Variants in CELF5 observed in about 807,000 individuals in gnomAD.
CELF5 encodes the protein CUGBP Elav-like family member 5.
A neutral mutation model predicts 54.9 loss-of-function variants in CELF5; 6 were observed. That is an observed-to-expected ratio of 0.11 (90% CI 0.06 to 0.22). CELF5 has a LOEUF of 0.22. Among genes scored for constraint, CELF5 ranks in the 10% least tolerant of loss-of-function variants. The pLI is 1.00. For missense variants in CELF5, 401 were observed against 678.6 expected, an observed-to-expected ratio of 0.59 and a Z score of 4.54; for synonymous variants, 271 against 290.9, an observed-to-expected ratio of 0.93 and a Z score of 0.70.
rs564678483 is a variant in CELF5 at position 3,280,531 on chromosome 19, C to T, written c.604-668C>T. 3.7e-4 allele frequency among the ~76,000 whole-genome samples: 57 copies of T among 152,144 alleles called. No homozygotes were observed. In the South Asian group the frequency reaches 0.012, roughly 31 times the overall value. ...CAGAGGTTGCAGTGAGCCGAGATCG[C>T]GCCATTGCACTCCAGCCTGGGCAAC... On this transcript the variant is annotated intron_variant, in intron 5 of 12. Coordinates refer to ENST00000292672, the MANE Select transcript of CELF5 (RefSeq NM_021938.4).
intron 1 of CELF5, among the ~76,000 whole-genome samples, chr19:3,235,710 ATGGATGTG>A (rs1568330123): frequency 2.9e-5 from 4 of 137,370 alleles, no homozygotes; most frequent in African/African-American, 8.3e-5. Context: ...GGATGGATGG[ATGGATGTG>A]TGGATGGGTG....
chr19:3,250,216 C>T (rs912013047), intron 1 of CELF5, among the ~76,000 whole-genome samples: 4 of 152,174 alleles, frequency 2.6e-5, no homozygotes, highest in African/African-American at 4.8e-5. Flanking sequence ...AGGCCGGGTG[C>T]GGTGGCTCAC....
At position 3,282,508 on chromosome 19, in the gene CELF5, G is replaced by C. The variant is rs764641203; in HGVS notation, c.1039+10G>C. 1.2e-6 allele frequency: 2 copies of C among 1,607,764 alleles called. No individual in the cohort carries two copies. The highest frequency in any genetic ancestry group is 3.4e-5 in the Admixed American group (2 of 59,416). On this transcript the variant is annotated intron_variant, in intron 8 of 12. Transcript: ENST00000292672. This position sits in a 1 kb window ranked among gnomAD's most constrained non-coding sequence, Gnocchi z 5.2. ...CTTGTGCCCTACCCAGGTAAATTGG[G>C]GTCGTCCTCTGGGGCCTAGGAGAGT...
intron 1 of CELF5, among the ~76,000 whole-genome samples, chr19:3,249,514 A>G (rs1306574942): frequency 1.4e-5 from 2 of 144,074 alleles, no homozygotes; most frequent in Admixed American, 6.9e-5. Context: ...CCACCCTCCG[A>G]TCCCTAATGT....
At chr19:3,261,092 A>G (rs1404844345) in intron 2 of CELF5, among the ~76,000 whole-genome samples, 1 of 152,038 alleles carries the variant, frequency 6.6e-6, no homozygotes, top group Non-Finnish European at 1.5e-5. Context: ...CAGTTTTACA[A>G]AATGCACCTA....
intron 2 of CELF5, among the ~76,000 whole-genome samples, chr19:3,269,331 G>A (rs534719546): frequency 1.8e-4 from 27 of 152,032 alleles, no homozygotes; most frequent in African/African-American, 5.8e-4. Flanking sequence ...GTGCACTACC[G>A]CACCTAGCTA....
chr19:3,266,637 C>T (rs1333018269), intron 2 of CELF5, among the ~76,000 whole-genome samples: 1 of 152,230 alleles, frequency 6.6e-6, no homozygotes, highest in Non-Finnish European at 1.5e-5. Context: ...GGACACACGT[C>T]ACACTTCTCT....
chr19:3,290,032 C>T (rs907627224), intron 10 of CELF5, among the ~76,000 whole-genome samples, 199 bp from the exon 11 acceptor site: 1 of 152,098 alleles, frequency 6.6e-6, no homozygotes, highest in East Asian at 1.9e-4. Flanking sequence ...CGTGTGAGAT[C>T]GTACAGTGCA....
intron 2 of CELF5, among the ~76,000 whole-genome samples, chr19:3,260,808 C>T (rs928206417): frequency 6.6e-6 from 1 of 151,514 alleles, no homozygotes; most frequent in Non-Finnish European, 1.5e-5. Context: ...ATTTTTAGTA[C>T]AGACGGGGTT....
chr19:3,231,445 AACGG>A (rs1295451087), intron 1 of CELF5, among the ~76,000 whole-genome samples: 4 of 142,278 alleles, frequency 2.8e-5, no homozygotes, highest in African/African-American at 5.4e-5. Flanking sequence ...TGGATGGGTG[AACGG>A]ATGGATGGAT....
chr19:3,225,899 G>A (rs312057), intron 1 of CELF5, among the ~76,000 whole-genome samples: 1 of 152,118 alleles, frequency 6.6e-6, no homozygotes, highest in Non-Finnish European at 1.5e-5. Flanking sequence ...AAATTCTGGG[G>A]TGGACAGGGA....
chr19:3,255,774 G>A (rs533349808), intron 2 of CELF5, among the ~76,000 whole-genome samples: 10 of 152,144 alleles, frequency 6.6e-5, no homozygotes, highest in South Asian at 4.1e-4. Flanking sequence ...ATTTAAAGAC[G>A]TGAAGGTGGG....
chr19:3,296,481 G>GAAAAAAAAAA (rs2080455253), intron 12 of CELF5: 1 of 69,506 alleles, frequency 1.4e-5, no homozygotes, highest in African/African-American at 4.8e-5. Flanking sequence ...AAAAAAAATA[G>GAAAAAAAAAA]AAAAGAAAAA....
At chr19:3,230,163 AAGAGGGGTCTGAGGCC>A (rs1163105972) in intron 1 of CELF5, among the ~76,000 whole-genome samples, 1 of 152,152 alleles carries the variant, frequency 6.6e-6, no homozygotes, top group East Asian at 1.9e-4. Context: ...CGTACTGAGC[AAGAGGGGTCTGAGGCC>A]AGAGCTAGAC....
At chr19:3,245,033 A>G (rs956368471) in intron 1 of CELF5, among the ~76,000 whole-genome samples, 3 of 129,690 alleles carry the variant, frequency 2.3e-5, no homozygotes, top group Non-Finnish European at 4.8e-5. Context: ...TGGTGTGTGC[A>G]TGCATCTTGT....
intron 1 of CELF5, among the ~76,000 whole-genome samples, chr19:3,244,667 T>G (rs436844): frequency 2.7e-5 from 4 of 148,184 alleles, no homozygotes; most frequent in Non-Finnish European, 6.0e-5. Flanking sequence ...ATAGTGTGTG[T>G]TGTGCATGCA....
At chr19:3,244,190 A>C (rs1373440670) in intron 1 of CELF5, among the ~76,000 whole-genome samples, 2 of 151,876 alleles carry the variant, frequency 1.3e-5, no homozygotes, top group Non-Finnish European at 2.9e-5. Flanking sequence ...CATAAGGAAG[A>C]TTTTCAGCAC....
At chr19:3,227,004 A>G (rs1022796014) in intron 1 of CELF5, among the ~76,000 whole-genome samples, 3 of 151,824 alleles carry the variant, frequency 2.0e-5, no homozygotes, top group Non-Finnish European at 4.4e-5. Flanking sequence ...TTGGAGGGTG[A>G]GAATTGAGAA....
At chr19:3,254,443 ACG>A (rs1481954177) in intron 2 of CELF5, among the ~76,000 whole-genome samples, 83 of 151,416 alleles carry the variant, frequency 5.5e-4, no homozygotes, top group African/African-American at 1.9e-3. Flanking sequence ...CCATCCATCT[ACG>A]CATCCATCCA....
Sources: allele counts gnomAD v4.1 joint callset (sites outside exome capture counted in the v4.1 genomes callset), GRCh38; gene constraint gnomAD v4.1.1; non-coding constraint Gnocchi (gnomAD v3.1); transcripts MANE v1.5; gene names NCBI Gene and HGNC (gene_info 2026-07-23, HGNC 2026-07-21).